The following IFFO2 variants were observed in gnomAD, a reference collection of about 807,000 sequenced individuals.
IFFO2 encodes intermediate filament family orphan 2.
In IFFO2, 19 loss-of-function variants were observed where a neutral mutation model predicts 53.5. That is an observed-to-expected ratio of 0.36 (90% CI 0.25 to 0.52). The LOEUF is 0.52. IFFO2 is among the 20% of genes least tolerant of loss of function. IFFO2 has a pLI of 0.94. For missense variants in IFFO2, 570 were observed against 727.4 expected (o/e 0.78, Z 2.49); for synonymous variants, 303 against 313.6 (o/e 0.97, Z 0.36).
chr1:18,946,994 T>C (rs114828080), intron 1 of IFFO2, among the ~76,000 whole-genome samples: 167 of 152,356 alleles, frequency 1.1e-3, no homozygotes, highest in African/African-American at 3.9e-3. Context: ...TGTTGTCACA[T>C]GATGCTGCCA....
In IFFO2 at chr1:18,916,939, T is replaced by C. The variant is rs1301293682; in HGVS notation, c.1067A>G (p.Asn356Ser). 1 of 1,551,754 alleles carries C rather than the reference T, an allele frequency of 6.4e-7. No homozygotes were observed. The highest frequency in any genetic ancestry group is 1.2e-5 in the South Asian group (1 of 84,060). ...RFSDDEVGSM[N>S]ITDEMKRMFN... ...CATGCGCTTCATCTCATCGGTGATG[T>C]TCATGGAGCCGACCTCATCGTCCGA... The change falls in exon 5 of 9, where the codon AAC (asparagine) becomes AGC (serine). Residue 356 changes from asparagine (N) to serine (S), a missense_variant. By Grantham distance (46) the Asn-to-Ser change is conservative. Transcript: ENST00000455833. This position sits in a 1 kb window ranked among gnomAD's most constrained non-coding sequence, Gnocchi z 4.3.
intron 1 of IFFO2, among the ~76,000 whole-genome samples, chr1:18,952,954 T>G (rs1215971389): frequency 6.6e-6 from 1 of 152,238 alleles, no homozygotes; most frequent in Admixed American, 6.5e-5. Context: ...TCAACAAGCG[T>G]CCGGCTTGAA....
At chr1:18,922,947 A>C (rs975680728) in intron 1 of IFFO2, among the ~76,000 whole-genome samples, 2 of 151,914 alleles carry the variant, frequency 1.3e-5, no homozygotes, top group African/African-American at 4.8e-5. Flanking sequence ...AGGCCACCCC[A>C]TCCCTGCCCA....
In IFFO2 at chr1:18,906,881, CAT is replaced by C. The variant is rs1465576536; in HGVS notation, c.*1678_*1679del. On this transcript the variant is annotated 3_prime_UTR_variant, in exon 9 of 9. Transcript: ENST00000455833. ...CCAAATCGTGATAAATTACATCACA[CAT>C]AGTCACTAACACATTCTCACGCTCT... is the stretch of plus-strand genomic sequence containing the variant. 4 of 152,138 alleles carry C rather than the reference CAT, an allele frequency of 2.6e-5. No individual in the cohort carries two copies. Among genetic ancestry groups the C allele is most frequent in the African/African-American group, 4.8e-5 (2 of 41,404 alleles). 9.4% of individuals were successfully genotyped at this position (152,138 alleles called of 1,614,324 possible). A position where few individuals can be genotyped will look rare whatever the true frequency, so the allele number is the denominator to read the frequency against.
rs1557636528 is a variant in IFFO2 at position 18,908,648 on chromosome 1, G to A, written c.1467C>T (p.Ser489=). ...TTCCTGAGTCGCTGCTGGCCACGGA[G>A]CTGGGGGACGGTGAATTCCTGAGAA... is the stretch of plus-strand genomic sequence containing the variant. The part of the protein sequence containing the change: ...GSADRNSPSP[S]SVASSDSGST... The change falls in exon 9 of 9, where the codon AGC becomes AGT. Residue 489 remains serine, a synonymous_variant. Coordinates refer to ENST00000455833, the MANE Select transcript of IFFO2 (RefSeq NM_001136265.2). 1 of 1,551,468 alleles carries A rather than the reference G, an allele frequency of 6.4e-7. No individual in the cohort carries two copies.
chr1:18,941,689 T>C (rs952589530), intron 1 of IFFO2, among the ~76,000 whole-genome samples: 3 of 152,150 alleles, frequency 2.0e-5, no homozygotes, highest in Non-Finnish European at 2.9e-5. Context: ...TGGCAGAGAG[T>C]ACTTTGGGTA....
At chr1:18,937,714 G>A (rs1936467384) in intron 1 of IFFO2, among the ~76,000 whole-genome samples, 1 of 152,200 alleles carries the variant, frequency 6.6e-6, no homozygotes, top group Non-Finnish European at 1.5e-5. Flanking sequence ...ACTCATCCAG[G>A]GTCACATAAT....
At position 18,910,328 on chromosome 1, in the gene IFFO2, G is replaced by A; in HGVS notation, c.1448+14C>T. The A allele has an allele frequency of 1.3e-6, 2 of 1,595,302 alleles. No individual in the cohort carries two copies. The highest frequency in any genetic ancestry group is 2.3e-5 in the South Asian group (2 of 88,306). ...GATGCCATAGCTGAATCCCCTGGGA[G>A]GATGGGCGGGTACCTGTCTGCGGAG... On this transcript the variant is annotated intron_variant, in intron 8 of 8. Coordinates refer to ENST00000455833, the MANE Select transcript of IFFO2 (RefSeq NM_001136265.2).
rs1936133788 is a variant in IFFO2 at position 18,916,436 on chromosome 1, G to T, written c.1103+467C>A. Among the ~76,000 whole-genome samples the T allele has an allele frequency of 6.6e-6, 1 of 152,172 alleles. No homozygotes were observed. Among genetic ancestry groups the T allele is most frequent in the Non-Finnish European group, 1.5e-5 (1 of 68,026 alleles). On this transcript the variant is annotated intron_variant, in intron 5 of 8. Transcript: ENST00000455833. The surrounding 1 kb of genome is among the most constrained non-coding windows in gnomAD (Gnocchi z 4.3). Reference sequence around the variant, plus strand: ...TGACCTCCTCGAGCTTCCAAGAGAGGCTGAACATATGAAATTTCCCAAATT... The same window carrying T: ...TGACCTCCTCGAGCTTCCAAGAGAGTCTGAACATATGAAATTTCCCAAATT...
intron 1 of IFFO2, among the ~76,000 whole-genome samples, chr1:18,953,792 G>A (rs184081613): frequency 4.6e-5 from 7 of 152,234 alleles, no homozygotes; most frequent in South Asian, 4.2e-4. Flanking sequence ...CACACCCCAC[G>A]CCCTGGGTGC....
chr1:18,913,857 G>C (rs1319367866), intron 5 of IFFO2, among the ~76,000 whole-genome samples: 1 of 152,184 alleles, frequency 6.6e-6, no homozygotes, highest in Non-Finnish European at 1.5e-5. Context: ...GTTTGAGACG[G>C]AGTCTCGCTG....
In IFFO2 at chr1:18,928,667, A is replaced by C. The variant is rs756474681; in HGVS notation, c.666-7546T>G. ...ACATCCATAGGGAAGTTCCCTGTGG[A>C]AGAGCGGGTACTGGGCTAGGAAGCA... On this transcript the variant is annotated intron_variant, in intron 1 of 8. Coordinates refer to ENST00000455833, the MANE Select transcript of IFFO2 (RefSeq NM_001136265.2). The surrounding 1 kb of genome is among the most constrained non-coding windows in gnomAD (Gnocchi z 4.9). Among the ~76,000 whole-genome samples the C allele has an allele frequency of 9.2e-5, 14 of 152,198 alleles. No homozygotes were observed. Among genetic ancestry groups the C allele is most frequent in the Admixed American group, 1.3e-4 (2 of 15,280 alleles).
chr1:18,943,029 C>G (rs1468922113), intron 1 of IFFO2, among the ~76,000 whole-genome samples: 1 of 151,762 alleles, frequency 6.6e-6, no homozygotes, highest in African/African-American at 2.4e-5. Context: ...GTTTTAAATG[C>G]TAATATTTTA....
chr1:18,919,829 G>C lies in IFFO2; in HGVS notation c.727-56C>G, dbSNP rs41273183. The C allele has an allele frequency of 3.4e-3, 4,312 of 1,270,172 alleles. 9 individuals are homozygous for C. The highest frequency in any genetic ancestry group is 4.4e-3 in the Non-Finnish European group (3,899 of 895,194). The allele number at this position is 1,270,172 out of a possible 1,614,324, so 78.7% of individuals were successfully genotyped here. ...GGGGCCGGGTCCTCTGGGGATAGGA[G>C]GGTCTGGACACCTGAGTCCAGAGCC... On this transcript the variant is annotated intron_variant, in intron 2 of 8. Transcript: ENST00000455833. The surrounding 1 kb of genome is among the most constrained non-coding windows in gnomAD (Gnocchi z 4.9).
intron 8 of IFFO2, among the ~76,000 whole-genome samples, chr1:18,910,067 G>A (rs1021521854): frequency 5.3e-5 from 8 of 152,304 alleles, no homozygotes; most frequent in South Asian, 4.1e-4. Context: ...TGGCCCCACC[G>A]TCTTGCACAG....
chr1:18,916,069 G>A lies in IFFO2; in HGVS notation c.1103+834C>T, dbSNP rs1333254186. On this transcript the variant is annotated intron_variant, in intron 5 of 8. Transcript: ENST00000455833. The surrounding 1 kb of genome is among the most constrained non-coding windows in gnomAD (Gnocchi z 4.3). The stretch of plus-strand genomic sequence containing the variant: ...GAACCCGGGAGGCAGAGGTTGCAGT[G>A]AGCCGAGATCTGGCCGCTATACTCC... Among the ~76,000 whole-genome samples, 1 of 152,004 alleles carries A rather than the reference G, an allele frequency of 6.6e-6. No homozygotes were observed. Among genetic ancestry groups the A allele is most frequent in the Non-Finnish European group, 1.5e-5 (1 of 68,004 alleles).
chr1:18,942,424 G>A (rs1024837542), intron 1 of IFFO2, among the ~76,000 whole-genome samples: 4 of 152,222 alleles, frequency 2.6e-5, no homozygotes, highest in African/African-American at 9.6e-5. Context: ...CAGGGCAGGA[G>A]GGAGGGAGCG....
chr1:18,948,932 C>T (rs973101758), intron 1 of IFFO2, among the ~76,000 whole-genome samples: 24 of 152,358 alleles, frequency 1.6e-4, no homozygotes, highest in African/African-American at 5.5e-4. Flanking sequence ...GGACACAGAG[C>T]TTAGCATCCC....
At chr1:18,944,059 T>C (rs1569863180) in intron 1 of IFFO2, among the ~76,000 whole-genome samples, 1 of 152,170 alleles carries the variant, frequency 6.6e-6, no homozygotes, top group Non-Finnish European at 1.5e-5. Context: ...AGGGTGAAAA[T>C]ACCTGGGTTC....
Sources: allele counts gnomAD v4.1 joint callset (sites outside exome capture counted in the v4.1 genomes callset), GRCh38; gene constraint gnomAD v4.1.1; non-coding constraint Gnocchi (gnomAD v3.1); transcripts MANE v1.5; gene names NCBI Gene and HGNC (gene_info 2026-07-23, HGNC 2026-07-21).